Variants in SAMD5 observed in about 807,000 individuals in gnomAD.
The protein encoded by SAMD5 is sterile alpha motif domain containing 5, also known as sterile alpha motif domain-containing protein 5.
SAMD5 carries 13 observed loss-of-function variants against 11.3 expected under a neutral mutation model. That is an observed-to-expected ratio of 1.15 (90% CI 0.75 to 1.83). The LOEUF (loss-of-function observed/expected upper bound fraction) is 1.83, where lower values mean the gene tolerates loss of function less well. Ranked by LOEUF, SAMD5 falls within the 40% of genes most tolerant of loss-of-function variation. The pLI, the probability that SAMD5 is intolerant of heterozygous loss-of-function variation, is 0.00. For synonymous variants in SAMD5, 129 were observed against 111.3 expected (o/e 1.16, Z -1.00); for missense variants, 255 against 239.1 (o/e 1.07, Z -0.44).
At chr6:147,755,595 A>G in the SAMD5 span, among the ~76,000 whole-genome samples, 2 of 152,118 alleles carry the variant, frequency 1.3e-5, no homozygotes, top group South Asian at 2.1e-4. Flanking sequence ...CACTTCCTCC[A>G]TTATGGAAAA....
chr6:147,515,921 T>A (rs556133627), intron 1 of SAMD5, among the ~76,000 whole-genome samples: 10 of 152,262 alleles, frequency 6.6e-5, no homozygotes, highest in Admixed American at 2.6e-4. Context: ...CAAGGGTTAA[T>A]GAAGAAGAAC....
chr6:147,643,649 T>G (rs1463388354), intron 1 of SAMD5, among the ~76,000 whole-genome samples: 1 of 151,976 alleles, frequency 6.6e-6, no homozygotes, highest in African/African-American at 2.4e-5. Context: ...GTGTATAGTC[T>G]GAAGTATTTT....
chr6:147,781,770 GCGCA>G, the SAMD5 span, among the ~76,000 whole-genome samples: 6 of 70,048 alleles, frequency 8.6e-5, no homozygotes, highest in East Asian at 9.4e-4. Flanking sequence ...TAATTTGTGT[GCGCA>G]CACACACACA....
chr6:147,642,935 T>C (rs1399724446), intron 1 of SAMD5, among the ~76,000 whole-genome samples: 2 of 152,180 alleles, frequency 1.3e-5, no homozygotes, highest in Non-Finnish European at 2.9e-5. Context: ...CCAGAATAAA[T>C]AATTGAGAAG....
At position 147,569,007 on chromosome 6, in the gene SAMD5, A is replaced by G. The variant is rs1256560251; in HGVS notation, c.*4551A>G. 2.7e-6 allele frequency: 1 copy of G among 366,006 alleles called. No homozygotes were observed. The highest frequency in any genetic ancestry group is 3.8e-6 in the Non-Finnish European group (1 of 264,192). 22.7% of individuals were successfully genotyped at this position (366,006 alleles called of 1,614,324 possible). A position where few individuals can be genotyped will look rare whatever the true frequency, so the allele number is the denominator to read the frequency against. ...TTTGGGAGGCCGGGGTGGGCAGATC[A>G]TTTGAGGTCAGGAGTTTGAGACCAG... On this transcript the variant is annotated 3_prime_UTR_variant, in exon 2 of 2. Transcript: ENST00000367474.
chr6:147,515,430 A>ATCC, intron 1 of SAMD5, among the ~76,000 whole-genome samples: 1 of 133,150 alleles, frequency 7.5e-6, no homozygotes, highest in East Asian at 2.0e-4. Flanking sequence ...TCTTCCATCC[A>ATCC]ACCATCCATC....
At chr6:147,587,552 T>C (rs1789392935) in intron 1 of SAMD5, among the ~76,000 whole-genome samples, 2 of 152,190 alleles carry the variant, frequency 1.3e-5, no homozygotes, top group Non-Finnish European at 2.9e-5. Context: ...CAATGACTAT[T>C]GATGCTGTTC....
At chr6:147,722,424 C>T (rs1196923756) in intron 1 of SAMD5, among the ~76,000 whole-genome samples, 7 of 152,168 alleles carry the variant, frequency 4.6e-5, no homozygotes, top group Admixed American at 1.3e-4. Flanking sequence ...ATTTTATGCC[C>T]TCGTCATCCA....
the SAMD5 span, among the ~76,000 whole-genome samples, chr6:147,872,019 C>T: frequency 6.6e-6 from 1 of 152,142 alleles, no homozygotes; most frequent in African/African-American, 2.4e-5. Flanking sequence ...AACAGTCTTA[C>T]CTACTGAGAA....
chr6:147,641,038 C>T (rs896965886), intron 1 of SAMD5, among the ~76,000 whole-genome samples: 3 of 152,176 alleles, frequency 2.0e-5, no homozygotes, highest in African/African-American at 4.8e-5. Flanking sequence ...CCTCTGTAAA[C>T]CTGCTTTAAC....
At chr6:147,832,077 A>G in the SAMD5 span, among the ~76,000 whole-genome samples, 2,884 of 152,296 alleles carry the variant, frequency 0.019, 34 homozygotes, top group Non-Finnish European at 0.03. Flanking sequence ...GAAAGGAAGG[A>G]AGAGAAAATA....
Position 147,544,719 on chromosome 6 carries a change from T to C in SAMD5, c.460-19675T>C, listed in dbSNP as rs1460002099. Among the ~76,000 whole-genome samples, 4 of 152,238 alleles carry C rather than the reference T, an allele frequency of 2.6e-5. No individual in the cohort carries two copies. The East Asian group carries it at 7.7e-4, about 29-fold the overall frequency. ...CCTTTTGTTGATGGTATATTCTATA[T>C]GATTTTTACTCTATTTTTTGCATAT... On this transcript the variant is annotated intron_variant, in intron 1 of 1. Coordinates refer to ENST00000367474, the MANE Select transcript of SAMD5 (RefSeq NM_001030060.3).
At chr6:147,909,818 G>A in the SAMD5 span, among the ~76,000 whole-genome samples, 1 of 151,920 alleles carries the variant, frequency 6.6e-6, no homozygotes, top group Non-Finnish European at 1.5e-5. Flanking sequence ...TAGAGAAAAA[G>A]TTTGCTAACC....
the SAMD5 span, among the ~76,000 whole-genome samples, chr6:147,865,471 G>A: frequency 6.6e-6 from 1 of 152,098 alleles, no homozygotes; most frequent in East Asian, 1.9e-4. Flanking sequence ...TTATATAACA[G>A]CTGCATAGAT....
chr6:147,773,750 G>A, the SAMD5 span, among the ~76,000 whole-genome samples: 1 of 152,110 alleles, frequency 6.6e-6, no homozygotes, highest in East Asian at 1.9e-4. Context: ...TGGGGGAATA[G>A]ATGTCAACAT....
chr6:147,729,738 C>T (rs776485253), intron 1 of SAMD5: 6 of 456,096 alleles, frequency 1.3e-5, no homozygotes, highest in South Asian at 3.1e-5. Flanking sequence ...GCTGGGAGAA[C>T]ATTTTAGGCA....
chr6:147,682,735 T>C (rs1427446513), intron 1 of SAMD5, among the ~76,000 whole-genome samples: 1 of 151,998 alleles, frequency 6.6e-6, no homozygotes, highest in Admixed American at 6.6e-5. Context: ...AGTAAATAAT[T>C]ATCCTTACTG....
chr6:147,574,294 T>C (rs55735841), downstream of SAMD5, among the ~76,000 whole-genome samples: 20,311 of 152,216 alleles, frequency 0.13, 1,696 homozygotes, highest in Middle Eastern at 0.21. Flanking sequence ...ATTCTACAGA[T>C]GAGGAATCTG....
At chr6:147,646,468 C>T (rs944026532) in intron 1 of SAMD5, among the ~76,000 whole-genome samples, 8 of 152,158 alleles carry the variant, frequency 5.3e-5, no homozygotes, top group African/African-American at 1.2e-4. Flanking sequence ...TTTCGATTGG[C>T]CTGTTTATGT....
Sources: allele counts gnomAD v4.1 joint callset (sites outside exome capture counted in the v4.1 genomes callset), GRCh38; gene constraint gnomAD v4.1.1; transcripts MANE v1.5; gene names NCBI Gene and HGNC (gene_info 2026-07-23, HGNC 2026-07-21).